The following AGBL2 variants were observed in gnomAD, a reference collection of about 807,000 sequenced individuals.
AGBL2 encodes cytosolic carboxypeptidase 2.
AGBL2 carries 87 observed loss-of-function variants against 103.0 expected under a neutral mutation model. That is an observed-to-expected ratio of 0.84 (90% CI 0.71 to 1.01). The LOEUF (loss-of-function observed/expected upper bound fraction) is 1.01, where lower values mean the gene tolerates loss of function less well. Ranked by LOEUF, AGBL2 falls within the 50% of genes least tolerant of loss-of-function variation. AGBL2 has a pLI of 0.00. For missense variants in AGBL2, 904 were observed against 1,023.5 expected, an observed-to-expected ratio of 0.88 and a Z score of 1.59; for synonymous variants, 335 against 356.7, an observed-to-expected ratio of 0.94 and a Z score of 0.69.
chr11:47,678,661 T>C (rs2097388199), intron 13 of AGBL2, among the ~76,000 whole-genome samples: 1 of 151,566 alleles, frequency 6.6e-6, no homozygotes, highest in Admixed American at 6.6e-5. Flanking sequence ...AGTTTTTTGT[T>C]TGTTTGTTTG....
At chr11:47,691,994 T>A in intron 9 of AGBL2, 109 bp downstream of exon 9, 3 of 987,586 alleles carry the variant, frequency 3.0e-6, no homozygotes, top group Non-Finnish European at 4.3e-6. Flanking sequence ...CCCATAACTA[T>A]TCCCCATCAC....
intron 10 of AGBL2, 120 bp from the exon 11 acceptor site, chr11:47,686,169 A>C: frequency 4.8e-5 from 49 of 1,029,528 alleles, no homozygotes; most frequent in East Asian, 5.3e-5. Context: ...AGAAAATCTC[A>C]ACTCCATTGG....
intron 10 of AGBL2, among the ~76,000 whole-genome samples, chr11:47,687,541 T>A (rs1483504439): frequency 3.3e-5 from 5 of 150,054 alleles, no homozygotes; most frequent in African/African-American, 9.8e-5. Context: ...AAAAAAAAAA[T>A]GAACTCCGTC....
rs1350983625 is a variant in AGBL2 at position 47,667,764 on chromosome 11, C to T, written c.2215-68G>A. ...ACTAGGCCCACCCACATGTGGCACT[C>T]TTCATGCAACACTCAAGACACAAAG... On this transcript the variant is annotated intron_variant, in intron 15 of 18. Coordinates refer to ENST00000525123, the MANE Select transcript of AGBL2 (RefSeq NM_024783.4). The T allele has an allele frequency of 4.6e-6, 7 of 1,529,016 alleles. No homozygotes were observed. In the Admixed American group the frequency reaches 9.6e-5, roughly 21 times the overall value. 94.7% of individuals were successfully genotyped at this position (1,529,016 alleles called of 1,614,324 possible). A position where few individuals can be genotyped will look rare whatever the true frequency, so the allele number is the denominator to read the frequency against.
intron 7 of AGBL2, among the ~76,000 whole-genome samples, chr11:47,701,207 A>G (rs1395999707): frequency 2.0e-5 from 3 of 152,022 alleles, no homozygotes; most frequent in Admixed American, 2.0e-4. Context: ...TGAGTGGCTC[A>G]CGCCTGTAAT....
At chr11:47,670,581 C>T (rs2097354360) in intron 14 of AGBL2, among the ~76,000 whole-genome samples, 1 of 151,954 alleles carries the variant, frequency 6.6e-6, no homozygotes, top group Non-Finnish European at 1.5e-5. Flanking sequence ...TGAGGCCAGG[C>T]ATGGTGGCTC....
chr11:47,700,101 A>G (rs184655298), intron 7 of AGBL2, among the ~76,000 whole-genome samples: 372 of 151,828 alleles, frequency 2.5e-3, no homozygotes, highest in Middle Eastern at 0.014. Flanking sequence ...GGGATTACAG[A>G]CATGTGCCAC....
Position 47,686,018 on chromosome 11 carries a change from A to T in AGBL2, c.1663T>A (p.Cys555Ser), listed in dbSNP as rs780601222. 6.2e-7 allele frequency: 1 copy of T among 1,614,144 alleles called. No individual in the cohort carries two copies. Among genetic ancestry groups the T allele is most frequent in the South Asian group, 1.1e-5 (1 of 91,056 alleles). The change falls in exon 11 of 19, where the codon TGT (cysteine) becomes AGT (serine). Residue 555 changes from cysteine to serine, a missense_variant. Physicochemically the swap from Cys to Ser is moderately radical, Grantham distance 112. Coordinates refer to ENST00000525123, the MANE Select transcript of AGBL2 (RefSeq NM_024783.4). ...TTACGACTGTGGCCATGGAAATCACAATACAACAGAACCTCTCTTTCTTCA... is the reference window on the plus strand; with the variant it reads ...TTACGACTGTGGCCATGGAAATCACTATACAACAGAACCTCTCTTTCTTCA... ...LLEEREVLLYCDFHGHSRKNN... is the reference protein window; with the variant it reads ...LLEEREVLLYSDFHGHSRKNN...
chr11:47,714,773 G>A, intron 1 of AGBL2, 23 bp from the exon 2 acceptor site: 3 of 1,025,406 alleles, frequency 2.9e-6, no homozygotes, highest in East Asian at 4.8e-5. Flanking sequence ...AAGAGGACAA[G>A]TGAAAAAACT....
Position 47,671,935 on chromosome 11 carries a change from C to T in AGBL2, c.2148-3028G>A, listed in dbSNP as rs571616672. On this transcript the variant is annotated intron_variant, in intron 14 of 18. Coordinates refer to ENST00000525123, the MANE Select transcript of AGBL2 (RefSeq NM_024783.4). ...CTCACAGTCTGCTTTCCTTTGCAAT[C>T]GTGACAATGAATAGGTGGAACCCCA... Among the ~76,000 whole-genome samples, 10 of 152,206 alleles carry T rather than the reference C, an allele frequency of 6.6e-5. No homozygotes were observed. In the East Asian group the frequency reaches 7.7e-4, roughly 12 times the overall value.
chr11:47,686,066 C>T lies in AGBL2; in HGVS notation c.1632-17G>A, dbSNP rs1251881304. 4 of 1,612,678 alleles carry T rather than the reference C, an allele frequency of 2.5e-6. No individual in the cohort carries two copies. The highest frequency in any genetic ancestry group is 2.5e-6 in the Non-Finnish European group (3 of 1,179,550). ...TCAAGAAGTCTATTGAGGGGGCAAA[C>T]AAAGGACTCAGTGGACACCCAAATG... On this transcript the variant is annotated splice_polypyrimidine_tract_variant and intron_variant, in intron 10 of 18. Transcript: ENST00000525123.
chr11:47,708,450 ATT>A (rs879842867), intron 4 of AGBL2, among the ~76,000 whole-genome samples: 1 of 145,462 alleles, frequency 6.9e-6, no homozygotes. Flanking sequence ...TTTGTTGCAA[ATT>A]TTTTTTTTTT....
At chr11:47,687,290 T>C (rs2097427766) in intron 10 of AGBL2, among the ~76,000 whole-genome samples, 1 of 151,928 alleles carries the variant, frequency 6.6e-6, no homozygotes, top group Non-Finnish European at 1.5e-5. Context: ...ACACCAGAAC[T>C]GGGCTTTGAC....
chr11:47,709,762 A>G (rs2097531782), intron 4 of AGBL2, among the ~76,000 whole-genome samples: 1 of 151,258 alleles, frequency 6.6e-6, no homozygotes, highest in Non-Finnish European at 1.5e-5. Flanking sequence ...TAATTTTTGT[A>G]TGTTTCTGTA....
Position 47,681,966 on chromosome 11 carries a change from T to G in AGBL2, c.1915+3A>C. On this transcript the variant is annotated splice_donor_region_variant and intron_variant, in intron 12 of 18. Transcript: ENST00000525123. ...GGCCTATGATATACAAAAGAGAATG[T>G]ACCCAGGGTGGACCCGCCAAAGGTA... 2.5e-6 allele frequency: 4 copies of G among 1,612,314 alleles called. No homozygotes were observed. In the South Asian group the frequency reaches 4.4e-5, roughly 18 times the overall value.
chr11:47,660,135 C>G lies in AGBL2; in HGVS notation c.*38G>C, dbSNP rs769650301. The stretch of plus-strand genomic sequence containing the variant: ...TATAAAATGTGTCTAATCTCAAAAC[C>G]CCCGATGAAGTGCTTGTGTGGCACA... On this transcript the variant is annotated 3_prime_UTR_variant, in exon 19 of 19. Transcript: ENST00000525123. 1 of 1,568,884 alleles carries G rather than the reference C, an allele frequency of 6.4e-7. No homozygotes were observed. The highest frequency in any genetic ancestry group is 1.4e-5 in the African/African-American group (1 of 73,312).
chr11:47,668,928 G>C, intron 14 of AGBL2, 21 bp from the exon 15 acceptor site: 2 of 1,579,918 alleles, frequency 1.3e-6, no homozygotes, highest in Non-Finnish European at 1.7e-6. Context: ...AAGAAAAAAA[G>C]AAGAGGAAAT....
Position 47,690,467 on chromosome 11 carries a change from G to A in AGBL2, c.1240C>T (p.Pro414Ser). ...AGCTTGCAGAACTGAGACTGGATAGGGTTGTTTGCCACTGACAGGAGGTAG... is the reference window on the plus strand; with the variant it reads ...AGCTTGCAGAACTGAGACTGGATAGAGTTGTTTGCCACTGACAGGAGGTAG... ...QCYLLSVANN[P>S]IQSQFCKLQT... Residue 414 changes from proline (P) to serine (S), a missense_variant, in exon 10 of 19, where the codon CCT becomes TCT. Transcript: ENST00000525123. The A allele has an allele frequency of 6.2e-7, 1 of 1,614,076 alleles. No individual in the cohort carries two copies. The highest frequency in any genetic ancestry group is 8.5e-7 in the Non-Finnish European group (1 of 1,180,020).
rs751801689 is a variant in AGBL2 at position 47,668,892 on chromosome 11, G to A, written c.2163C>T (p.Asp721=). ...SDIESSTSGS[D]SSLSDGLPVH... The stretch of plus-strand genomic sequence containing the variant: ...CAGGAAGACCATCTGAGAGAGAACT[G>A]TCAGAGCCACTGGTGCTGTTTCCAA... The change falls in exon 15 of 19, where the codon GAC becomes GAT. Residue 721 remains aspartate, a synonymous_variant. Transcript: ENST00000525123. The A allele has an allele frequency of 7.4e-6, 12 of 1,612,422 alleles. No individual in the cohort carries two copies. Among genetic ancestry groups the A allele is most frequent in the Admixed American group, 1.7e-5 (1 of 59,960 alleles).
Sources: allele counts gnomAD v4.1 joint callset (sites outside exome capture counted in the v4.1 genomes callset), GRCh38; gene constraint gnomAD v4.1.1; transcripts MANE v1.5; gene names NCBI Gene and HGNC (gene_info 2026-07-23, HGNC 2026-07-21).